Variants in SNRNP70 observed in about 807,000 individuals in gnomAD.
SNRNP70 encodes the protein U1 small nuclear ribonucleoprotein 70 kDa.
A neutral mutation model predicts 50.5 loss-of-function variants in SNRNP70; 8 were observed. The ratio of observed to expected loss-of-function variants is 0.16; its 90% CI spans 0.09 to 0.29. SNRNP70 has a LOEUF of 0.29. Ranked by LOEUF, SNRNP70 falls within the 10% of genes least tolerant of loss-of-function variation. The pLI, the probability that SNRNP70 is intolerant of heterozygous loss-of-function variation, is 1.00. For missense variants in SNRNP70, 529 were observed against 663.5 expected (o/e 0.80, Z 2.23); for synonymous variants, 320 against 252.9 (o/e 1.27, Z -2.52).
intron 2 of SNRNP70, chr19:49,087,780 A>G (rs895907721): frequency 1.3e-5 from 2 of 152,218 alleles, no homozygotes; most frequent in Admixed American, 6.5e-5. Flanking sequence ...ACAGAAAGGT[A>G]TGTCTTCAGT....
intron 7 of SNRNP70, among the ~76,000 whole-genome samples, chr19:49,101,957 G>A (rs1241072020): frequency 6.7e-6 from 1 of 148,598 alleles, no homozygotes; most frequent in African/African-American, 2.5e-5. Flanking sequence ...GGGCAGTGGG[G>A]TGATAGGCAT....
chr19:49,107,756 G>A lies in SNRNP70; in HGVS notation c.666-39G>A. On this transcript the variant is annotated intron_variant, in intron 9 of 9. Coordinates refer to ENST00000598441, the MANE Select transcript of SNRNP70 (RefSeq NM_003089.6). The surrounding 1 kb of genome is among the most constrained non-coding windows in gnomAD (Gnocchi z 6.0). ...TGTCCTGGGGTGGGGGGCGGTCACG[G>A]GGGGAGCCCAGCCACACAGGTCTGC... is the stretch of plus-strand genomic sequence containing the variant. 6.2e-7 allele frequency: 1 copy of A among 1,612,488 alleles called. No individual in the cohort carries two copies. The highest frequency in any genetic ancestry group is 2.2e-5 in the East Asian group (1 of 44,848).
chr19:49,095,720 C>T (rs1955290189), intron 4 of SNRNP70, among the ~76,000 whole-genome samples: 1 of 151,908 alleles, frequency 6.6e-6, no homozygotes, highest in South Asian at 2.1e-4. Context: ...GATGAGGTTT[C>T]GCTGTGTTGA....
intron 2 of SNRNP70, among the ~76,000 whole-genome samples, chr19:49,086,995 G>C (rs1358140923): frequency 6.6e-6 from 1 of 151,946 alleles, no homozygotes; most frequent in Non-Finnish European, 1.5e-5. Flanking sequence ...AGACCAGCCT[G>C]GCCAACATGG....
In SNRNP70 at chr19:49,104,698, G is replaced by A; in HGVS notation, c.540G>A (p.Arg180=). ...DGRRVLVDVE[R]GRTVKGWRPR... Reference sequence around the variant, plus strand: ...GGAGGGTCCTTGTGGACGTGGAGAGGGGCCGAACCGTGAAGGGCTGGAGGC... The same window carrying A: ...GGAGGGTCCTTGTGGACGTGGAGAGAGGCCGAACCGTGAAGGGCTGGAGGC... Residue 180 remains arginine, a synonymous_variant, in exon 8 of 10, where the codon AGG becomes AGA. Transcript: ENST00000598441. This position sits in a 1 kb window ranked among gnomAD's most constrained non-coding sequence, Gnocchi z 5.4. The A allele has an allele frequency of 6.4e-7, 1 of 1,559,664 alleles. No individual in the cohort carries two copies. Among genetic ancestry groups the A allele is most frequent in the Non-Finnish European group, 8.7e-7 (1 of 1,151,690 alleles).
chr19:49,090,248 C>T, intron 2 of SNRNP70, 43 bp from the exon 3 acceptor site: 2 of 1,564,304 alleles, frequency 1.3e-6, no homozygotes, highest in Non-Finnish European at 1.8e-6. Context: ...CTTGCCATTT[C>T]CCCCAGTCCT....
intron 6 of SNRNP70, among the ~76,000 whole-genome samples, chr19:49,099,274 T>C (rs2040551062): frequency 6.6e-6 from 1 of 152,186 alleles, no homozygotes; most frequent in African/African-American, 2.4e-5. Flanking sequence ...CTGTTTCTGA[T>C]ACGTCTTTTA....
intron 4 of SNRNP70, among the ~76,000 whole-genome samples, chr19:49,096,283 C>G (rs780113254): frequency 3.3e-5 from 5 of 151,618 alleles, no homozygotes; most frequent in African/African-American, 4.8e-5. Context: ...TCTCAAACAC[C>G]TGACCTCAGG....
intron 7 of SNRNP70, chr19:49,103,366 CCT>C (rs1223514467): frequency 6.6e-6 from 1 of 152,654 alleles, no homozygotes; most frequent in Non-Finnish European, 1.5e-5. Context: ...GGTTCCTCTC[CCT>C]CTCCTGGCTC....
chr19:49,096,670 G>A (rs1022821366), intron 4 of SNRNP70, among the ~76,000 whole-genome samples: 2 of 151,984 alleles, frequency 1.3e-5, no homozygotes, highest in Admixed American at 6.6e-5. Context: ...GGGAGGCTGA[G>A]GCAGGAGAAT....
chr19:49,104,562 G>T lies in SNRNP70; in HGVS notation c.476-72G>T. The T allele has an allele frequency of 8.6e-7, 1 of 1,160,612 alleles. No homozygotes were observed. 71.9% of individuals were successfully genotyped at this position (1,160,612 alleles called of 1,614,324 possible). On this transcript the variant is annotated intron_variant, in intron 7 of 9. Coordinates refer to ENST00000598441, the MANE Select transcript of SNRNP70 (RefSeq NM_003089.6). This position sits in a 1 kb window ranked among gnomAD's most constrained non-coding sequence, Gnocchi z 5.4. ...GGGGACACGGGGCGGGGATTCTGTA[G>T]AGCTGGGCCTGTCCTGACTAGAGGA...
chr19:49,089,760 T>C lies in SNRNP70; in HGVS notation c.148-531T>C, dbSNP rs551322032. Among the ~76,000 whole-genome samples the C allele has an allele frequency of 6.8e-5, 10 of 147,422 alleles. No individual in the cohort carries two copies. The South Asian group carries it at 2.2e-3, about 33-fold the overall frequency. On this transcript the variant is annotated intron_variant, in intron 2 of 9. Transcript: ENST00000598441. ...TCACTGCAACCTCCGCCTCCTGGGT[T>C]CATGCCATTCTCCTGCCTCAGCCTC... is the stretch of plus-strand genomic sequence containing the variant.
At chr19:49,097,707 C>T (rs968171792) in intron 4 of SNRNP70, among the ~76,000 whole-genome samples, 3 of 152,174 alleles carry the variant, frequency 2.0e-5, no homozygotes, top group Non-Finnish European at 2.9e-5. Context: ...CCAGGCCTGA[C>T]CCAGCAGGAT....
chr19:49,100,235 C>G (rs950182373), intron 6 of SNRNP70, among the ~76,000 whole-genome samples: 4 of 151,650 alleles, frequency 2.6e-5, no homozygotes, highest in African/African-American at 4.9e-5. Flanking sequence ...CCGTTGTTCT[C>G]CCTGACATGG....
Position 49,097,552 on chromosome 19 carries a change from T to A in SNRNP70, c.266-875T>A, listed in dbSNP as rs143887989. 3.6e-3 allele frequency among the ~76,000 whole-genome samples: 553 copies of A among 152,300 alleles called. 2 individuals are homozygous for A. Among genetic ancestry groups the A allele is most frequent in the Middle Eastern group, 0.017 (5 of 294 alleles). ...GGCATAAATGGGTTAATGTTATTCC[T>A]TTTCTCATGCTCTCCCAGAATGTGA... On this transcript the variant is annotated intron_variant, in intron 4 of 9. Transcript: ENST00000598441.
intron 7 of SNRNP70, 157 bp downstream of exon 7, chr19:49,101,628 T>A (rs78622231): frequency 1.1e-5 from 7 of 610,260 alleles, no homozygotes; most frequent in Admixed American, 5.5e-5. Flanking sequence ...TTTTTTTTTT[T>A]ATATACGTGT....
At position 49,088,048 on chromosome 19, in the gene SNRNP70, C is replaced by T. The variant is rs562223792; in HGVS notation, c.147+1487C>T. ...CTGGGATTACAGGCATGCACCACCA[C>T]GCCTGGCTAATTTTGTATTTTTAGT... On this transcript the variant is annotated intron_variant, in intron 2 of 9. Transcript: ENST00000598441. Among the ~76,000 whole-genome samples the T allele has an allele frequency of 3.9e-3, 594 of 151,940 alleles. 4 individuals carry two copies. The highest frequency in any genetic ancestry group is 0.014 in the African/African-American group (569 of 41,448).
intron 6 of SNRNP70, among the ~76,000 whole-genome samples, chr19:49,100,614 G>A (rs889061272): frequency 2.6e-5 from 4 of 152,076 alleles, no homozygotes; most frequent in Non-Finnish European, 4.4e-5. Flanking sequence ...AGACCAGCCT[G>A]GCCAACATGG....
intron 6 of SNRNP70, among the ~76,000 whole-genome samples, chr19:49,099,911 C>T (rs1055785482): frequency 2.0e-5 from 3 of 151,780 alleles, no homozygotes; most frequent in East Asian, 1.9e-4. Context: ...TGTGGTGTCT[C>T]GTGCCTGTGT....
Sources: allele counts gnomAD v4.1 joint callset (sites outside exome capture counted in the v4.1 genomes callset), GRCh38; gene constraint gnomAD v4.1.1; non-coding constraint Gnocchi (gnomAD v3.1); transcripts MANE v1.5; gene names NCBI Gene and HGNC (gene_info 2026-07-23, HGNC 2026-07-21).